The following TASP1 variants were observed in gnomAD, a reference collection of about 807,000 sequenced individuals.
TASP1 encodes the protein threonine aspartase 1.
Under a neutral mutation model 56.6 loss-of-function variants are expected in TASP1, and 16 were observed. The ratio of observed to expected loss-of-function variants is 0.28; its 90% confidence interval spans 0.19 to 0.43. The LOEUF is 0.43. TASP1 is among the 20% of genes least tolerant of loss of function. TASP1 has a pLI of 1.00. For missense variants in TASP1, 393 were observed against 511.6 expected, an observed-to-expected ratio of 0.77 and a Z score of 2.24; for synonymous variants, 179 against 184.2, an observed-to-expected ratio of 0.97 and a Z score of 0.23.
At chr20:13,154,250 T>C in the TASP1 span, 1 of 1,374,648 alleles carries the variant, frequency 7.3e-7, no homozygotes, top group South Asian at 1.4e-5. Flanking sequence ...GAGTTCAGAA[T>C]TCACTCGTAC....
chr20:13,501,035 C>G (rs979782118), intron 10 of TASP1, among the ~76,000 whole-genome samples: 1 of 151,944 alleles, frequency 6.6e-6, no homozygotes, highest in African/African-American at 2.4e-5. Context: ...ATACTTCTCA[C>G]CAGAAACAAT....
At chr20:13,369,994 C>G in the TASP1 span, among the ~76,000 whole-genome samples, 1 of 152,164 alleles carries the variant, frequency 6.6e-6, no homozygotes, top group Non-Finnish European at 1.5e-5. Context: ...ACCTGAGGAA[C>G]AGTACGGTGG....
chr20:13,487,443 C>A (rs2043365657), intron 10 of TASP1, among the ~76,000 whole-genome samples: 3 of 152,136 alleles, frequency 2.0e-5, no homozygotes, highest in South Asian at 4.1e-4. Flanking sequence ...CATATAAAAA[C>A]CCTGGATTCA....
chr20:13,533,670 A>G (rs1376560271), intron 9 of TASP1, among the ~76,000 whole-genome samples: 4 of 152,180 alleles, frequency 2.6e-5, no homozygotes, highest in African/African-American at 4.8e-5. Context: ...AGCAAGCAGT[A>G]TAGTCAAGTA....
chr20:13,135,298 A>T, the TASP1 span, among the ~76,000 whole-genome samples: 1 of 152,194 alleles, frequency 6.6e-6, no homozygotes, highest in Non-Finnish European at 1.5e-5. Context: ...AAAATATTCC[A>T]TATTCCTAAC....
the TASP1 span, among the ~76,000 whole-genome samples, chr20:13,124,336 A>G: frequency 5.1e-4 from 78 of 152,044 alleles, no homozygotes; most frequent in African/African-American, 1.8e-3. Flanking sequence ...GAAAAGAGGA[A>G]AGAAGGAAGG....
chr20:13,394,857 G>A (rs2041464163), intron 13 of TASP1, among the ~76,000 whole-genome samples: 1 of 152,058 alleles, frequency 6.6e-6, no homozygotes, highest in Non-Finnish European at 1.5e-5. Context: ...AAATTAAACT[G>A]ACTGTTCAAA....
intron 10 of TASP1, among the ~76,000 whole-genome samples, chr20:13,491,485 A>G (rs960044240): frequency 6.6e-6 from 1 of 152,206 alleles, no homozygotes. Flanking sequence ...AGTTGATCAG[A>G]GTGAACATGA....
chr20:13,535,682 C>T (rs1359098006), intron 8 of TASP1, among the ~76,000 whole-genome samples: 3 of 152,204 alleles, frequency 2.0e-5, no homozygotes, highest in African/African-American at 7.2e-5. Context: ...ATGCAACAGA[C>T]ACTCAGGACA....
the TASP1 span, among the ~76,000 whole-genome samples, chr20:13,335,826 A>C: frequency 3.9e-5 from 6 of 152,146 alleles, no homozygotes; most frequent in Admixed American, 2.0e-4. Flanking sequence ...AGGAAAACAA[A>C]TTAGAGGATC....
intron 12 of TASP1, among the ~76,000 whole-genome samples, chr20:13,434,498 C>T (rs540155618): frequency 5.9e-5 from 9 of 152,254 alleles, no homozygotes; most frequent in African/African-American, 1.7e-4. Context: ...TGCGAAAATA[C>T]TCATTTGACC....
At chr20:13,348,247 T>A in the TASP1 span, among the ~76,000 whole-genome samples, 2 of 152,224 alleles carry the variant, frequency 1.3e-5, no homozygotes, top group Admixed American at 1.3e-4. Context: ...TATTTGTAAT[T>A]TTTCTACAAT....
intron 12 of TASP1, among the ~76,000 whole-genome samples, chr20:13,427,158 T>A (rs1225318576): frequency 6.6e-6 from 1 of 152,190 alleles, no homozygotes; most frequent in Non-Finnish European, 1.5e-5. Flanking sequence ...AGTACATGTG[T>A]TTATATGTGC....
At chr20:13,281,448 G>A in the TASP1 span, among the ~76,000 whole-genome samples, 1 of 152,206 alleles carries the variant, frequency 6.6e-6, no homozygotes, top group Non-Finnish European at 1.5e-5. Flanking sequence ...CCATGCACTA[G>A]TCCCTGTTCA....
the TASP1 span, among the ~76,000 whole-genome samples, chr20:13,259,901 T>C: frequency 6.6e-5 from 10 of 152,222 alleles, no homozygotes; most frequent in Non-Finnish European, 1.5e-4. Context: ...AAAGTTGTCT[T>C]AACAAGCCAT....
chr20:13,535,517 C>A (rs1190067002), intron 8 of TASP1, among the ~76,000 whole-genome samples: 1 of 152,106 alleles, frequency 6.6e-6, no homozygotes, highest in Non-Finnish European at 1.5e-5. Context: ...TATTCCTAAT[C>A]CCTCTTTTAA....
At chr20:13,258,813 G>C in the TASP1 span, among the ~76,000 whole-genome samples, 7 of 152,172 alleles carry the variant, frequency 4.6e-5, no homozygotes, top group Non-Finnish European at 8.8e-5. Context: ...TCCCCATAAG[G>C]ACCCTCACAG....
chr20:13,627,480 G>A (rs747901374), intron 2 of TASP1, among the ~76,000 whole-genome samples: 9 of 152,096 alleles, frequency 5.9e-5, no homozygotes, highest in African/African-American at 1.9e-4. Context: ...AGCTGGGCAC[G>A]GTGGCTCATG....
rs924635584 is a variant in TASP1 at position 13,420,222 on chromosome 20, T to C, written c.1097-2701A>G. Among the ~76,000 whole-genome samples the C allele has an allele frequency of 3.5e-4, 54 of 152,318 alleles. 1 individual carries two copies. The highest frequency in any genetic ancestry group is 1.9e-4 in the East Asian group (1 of 5,194). On this transcript the variant is annotated intron_variant, in intron 12 of 13. Coordinates refer to ENST00000337743, the MANE Select transcript of TASP1 (RefSeq NM_017714.3). ...ATCATTTTAATGATTTTTAAATGTATTATTCTCCCTATAAATGTAGTCTGC... is the reference window on the plus strand; with the variant it reads ...ATCATTTTAATGATTTTTAAATGTACTATTCTCCCTATAAATGTAGTCTGC...
Sources: allele counts gnomAD v4.1 joint callset (sites outside exome capture counted in the v4.1 genomes callset), GRCh38; gene constraint gnomAD v4.1.1; transcripts MANE v1.5; gene names NCBI Gene and HGNC (gene_info 2026-07-23, HGNC 2026-07-21).